SGCD: variants seen among roughly 807,000 people sequenced by gnomAD.
The protein encoded by SGCD is sarcoglycan delta.
Under a neutral mutation model 36.6 loss-of-function variants are expected in SGCD, and 18 were observed. The observed-to-expected ratio is 0.49, with a 90% CI of 0.34 to 0.73. The LOEUF is 0.73. Ranked by LOEUF, SGCD falls within the 30% of genes least tolerant of loss-of-function variation. SGCD has a pLI of 0.01. For synonymous variants in SGCD, 133 were observed against 130.6 expected (o/e 1.02, Z -0.12); for missense variants, 387 against 346.7 (o/e 1.12, Z -0.92).
upstream of SGCD, among the ~76,000 whole-genome samples, chr5:155,868,032 C>T (rs1755554669): frequency 6.6e-6 from 1 of 151,826 alleles, no homozygotes; most frequent in African/African-American, 2.4e-5. Flanking sequence ...AGTTAAGTTG[C>T]AGAGTATGAG....
intron 1 of SGCD, among the ~76,000 whole-genome samples, chr5:156,106,320 T>C (rs1482922786): frequency 6.6e-6 from 1 of 152,056 alleles, no homozygotes; most frequent in Non-Finnish European, 1.5e-5. Context: ...GAAACTGTGA[T>C]AGCTATGTAA....
intron 7 of SGCD, among the ~76,000 whole-genome samples, chr5:156,705,658 T>TAAGAA (rs1159291552): frequency 2.1e-4 from 32 of 152,310 alleles, no homozygotes; most frequent in African/African-American, 7.7e-4. Context: ...AGATATAGTC[T>TAAGAA]GTACTGATTA....
At chr5:156,532,461 T>A (rs917774448) in intron 4 of SGCD, among the ~76,000 whole-genome samples, 1 of 152,094 alleles carries the variant, frequency 6.6e-6, no homozygotes, top group East Asian at 1.9e-4. Flanking sequence ...CTTGTTTATT[T>A]TATTTATTTA....
At chr5:156,376,965 A>C (rs1381750555) in intron 3 of SGCD, among the ~76,000 whole-genome samples, 5 of 152,300 alleles carry the variant, frequency 3.3e-5, no homozygotes, top group African/African-American at 1.2e-4. Context: ...AGCCAAAATT[A>C]ATCATCAATA....
intron 1 of SGCD, among the ~76,000 whole-genome samples, chr5:155,882,634 G>A (rs1376448435): frequency 1.3e-5 from 2 of 152,152 alleles, no homozygotes; most frequent in Admixed American, 1.3e-4. Context: ...TGTCAATGAG[G>A]AGTAATATTT....
intron 3 of SGCD, among the ~76,000 whole-genome samples, chr5:156,497,502 C>T (rs1053708984): frequency 1.2e-4 from 18 of 152,020 alleles, no homozygotes; most frequent in Admixed American, 6.6e-5. Flanking sequence ...TCATTAAAAG[C>T]AACCTTATGA....
the SGCD span, among the ~76,000 whole-genome samples, chr5:155,777,360 G>GTTTTTTT: frequency 7.1e-6 from 1 of 139,968 alleles, no homozygotes; most frequent in Non-Finnish European, 1.6e-5. Context: ...TAGTTTTTTT[G>GTTTTTTT]TTTTTTTTTT....
intron 1 of SGCD, among the ~76,000 whole-genome samples, chr5:155,959,933 C>T (rs1757756916): frequency 6.6e-6 from 1 of 152,110 alleles, no homozygotes; most frequent in African/African-American, 2.4e-5. Flanking sequence ...CAGAAGTCCT[C>T]TGAGCTTTCA....
intron 1 of SGCD, among the ~76,000 whole-genome samples, chr5:156,101,939 TGTGAGAGAGA>T (rs1485272316): frequency 6.1e-5 from 9 of 147,936 alleles, no homozygotes; most frequent in African/African-American, 1.8e-4. Context: ...TGTGTGTGTG[TGTGAGAGAGA>T]GAGAGAGAGA....
intron 7 of SGCD, among the ~76,000 whole-genome samples, chr5:156,648,264 C>CTTTT (rs4067498): frequency 9.4e-4 from 139 of 147,758 alleles, no homozygotes; most frequent in South Asian, 1.5e-3. Flanking sequence ...TGAATACTGG[C>CTTTT]TTTTTTTTTT....
At chr5:156,091,551 G>C (rs924020935) in intron 1 of SGCD, among the ~76,000 whole-genome samples, 1 of 152,200 alleles carries the variant, frequency 6.6e-6, no homozygotes, top group African/African-American at 2.4e-5. Flanking sequence ...TCAAGGTATA[G>C]CTTCCAATCT....
At chr5:155,812,877 C>A in the SGCD span, among the ~76,000 whole-genome samples, 11 of 152,202 alleles carry the variant, frequency 7.2e-5, no homozygotes, top group East Asian at 2.1e-3. Context: ...AGTTGGGAAA[C>A]CATTCAGGGA....
chr5:156,438,581 C>A (rs1463780554), intron 3 of SGCD, among the ~76,000 whole-genome samples: 2 of 152,134 alleles, frequency 1.3e-5, no homozygotes, highest in Admixed American at 6.6e-5. Flanking sequence ...TTAGCTCCTC[C>A]AGCTCATGCT....
At position 156,722,184 on chromosome 5, in the gene SGCD, C is replaced by T. The variant is rs1249640500; in HGVS notation, c.576-35397C>T. On this transcript the variant is annotated intron_variant, in intron 7 of 8. Transcript: ENST00000337851. ...ACAGTGTAGTCGATTCTCCTTTTGC[C>T]TCCCCCTTGTCTCTTTTTTATTAAG... 1.3e-5 allele frequency among the ~76,000 whole-genome samples: 2 copies of T among 152,186 alleles called. 1 individual carries two copies. The highest frequency in any genetic ancestry group is 1.3e-4 in the Admixed American group (2 of 15,272).
intron 3 of SGCD, among the ~76,000 whole-genome samples, chr5:156,290,173 T>C (rs769409712): frequency 3.9e-5 from 6 of 152,076 alleles, no homozygotes; most frequent in Non-Finnish European, 7.4e-5. Flanking sequence ...ACCCTAAACA[T>C]AGGTACTATT....
At chr5:155,941,283 G>T (rs1445187352) in intron 1 of SGCD, among the ~76,000 whole-genome samples, 1 of 152,134 alleles carries the variant, frequency 6.6e-6, no homozygotes, top group Non-Finnish European at 1.5e-5. Context: ...TGTTATATTG[G>T]AGATTAAGTT....
In SGCD at chr5:156,486,308, G is replaced by A. The variant is rs62382730; in HGVS notation, c.193-22293G>A. 7.1e-3 allele frequency among the ~76,000 whole-genome samples: 1,082 copies of A among 152,104 alleles called. 5 individuals are homozygous for A. Among genetic ancestry groups the A allele is most frequent in the Non-Finnish European group, 7.7e-3 (526 of 67,982 alleles). On this transcript the variant is annotated intron_variant, in intron 3 of 8. Coordinates refer to ENST00000337851, the MANE Select transcript of SGCD (RefSeq NM_000337.6). ...TTGGGAAACAGGCAATGCAGGGTAC[G>A]CCAGAAAGGCTGCCCCTGAGACAAA...
chr5:156,492,718 C>T (rs1368140804), intron 3 of SGCD, among the ~76,000 whole-genome samples: 1 of 152,058 alleles, frequency 6.6e-6, no homozygotes, highest in Non-Finnish European at 1.5e-5. Context: ...TATCCTAGCC[C>T]CCACCACCCG....
chr5:156,236,697 C>T (rs1581186932), intron 3 of SGCD, among the ~76,000 whole-genome samples: 1 of 152,142 alleles, frequency 6.6e-6, no homozygotes, highest in East Asian at 1.9e-4. Flanking sequence ...ATCCACCCTT[C>T]TTGGCCTCCC....
Sources: allele counts gnomAD v4.1 joint callset (sites outside exome capture counted in the v4.1 genomes callset), GRCh38; gene constraint gnomAD v4.1.1; transcripts MANE v1.5; gene names NCBI Gene and HGNC (gene_info 2026-07-23, HGNC 2026-07-21).